BCL2L13: variants seen among roughly 807,000 people sequenced by gnomAD.
BCL2L13 encodes the protein BCL2 like 13, also known as bcl-2-like protein 13.
BCL2L13 carries 13 observed loss-of-function variants against 25.8 expected under a neutral mutation model. That is an observed-to-expected ratio of 0.50 (90% CI 0.33 to 0.80). BCL2L13 has a LOEUF of 0.80. Among genes scored for constraint, BCL2L13 ranks in the 30% least tolerant of loss-of-function variants. BCL2L13 has a pLI of 0.02. For synonymous variants in BCL2L13, 244 were observed against 230.3 expected, an observed-to-expected ratio of 1.06 and a Z score of -0.54; for missense variants, 504 against 574.9, an observed-to-expected ratio of 0.88 and a Z score of 1.26.
At chr22:17,673,565 G>C (rs954382314) in intron 2 of BCL2L13, among the ~76,000 whole-genome samples, 21 of 147,096 alleles carry the variant, frequency 1.4e-4, no homozygotes, top group African/African-American at 4.5e-4. Flanking sequence ...TTTTAGTAGA[G>C]ATGGGGTTTC....
chr22:17,653,696 G>T (rs990173777), intron 1 of BCL2L13, among the ~76,000 whole-genome samples: 1 of 151,680 alleles, frequency 6.6e-6, no homozygotes, highest in African/African-American at 2.4e-5. Flanking sequence ...TAGAGACAGG[G>T]TCTCACTGTG....
chr22:17,718,017 G>T (rs1220714552), intron 6 of BCL2L13, among the ~76,000 whole-genome samples: 1 of 152,126 alleles, frequency 6.6e-6, no homozygotes. Context: ...AGCCCTGGGG[G>T]CAGAGGTTGC....
chr22:17,672,941 G>A (rs778649097), intron 2 of BCL2L13, among the ~76,000 whole-genome samples: 3 of 152,138 alleles, frequency 2.0e-5, no homozygotes, highest in Non-Finnish European at 2.9e-5. Flanking sequence ...ATGACAGATG[G>A]CAGATAAAGC....
upstream of BCL2L13, among the ~76,000 whole-genome samples, chr22:17,633,647 A>T (rs2058063465): frequency 6.6e-6 from 1 of 152,192 alleles, no homozygotes; most frequent in South Asian, 2.1e-4. Flanking sequence ...GCTCAGGAGG[A>T]CAAAGCGCGA....
At chr22:17,634,535 T>C (rs2058075498), upstream of BCL2L13, among the ~76,000 whole-genome samples, 1 of 152,198 alleles carries the variant, frequency 6.6e-6, no homozygotes, top group East Asian at 1.9e-4. Context: ...AATGTTTTTC[T>C]TTTCTGGTTT....
Position 17,728,912 on chromosome 22 carries a change from G to C in BCL2L13, c.*1378G>C, listed in dbSNP as rs577512138. The C allele has an allele frequency of 2.6e-5, 4 of 151,984 alleles. No homozygotes were observed. The highest frequency in any genetic ancestry group is 2.6e-4 in the Admixed American group (4 of 15,256). 9.4% of individuals were successfully genotyped at this position (151,984 alleles called of 1,614,324 possible). On this transcript the variant is annotated 3_prime_UTR_variant, in exon 7 of 7. Coordinates refer to ENST00000317582, the MANE Select transcript of BCL2L13 (RefSeq NM_015367.4). ...TGATCCCAGCCCTAAAGGAAGGGTA[G>C]ACCCGTGTCTTTCCAGCCCTAAAGG...
rs2061378556 is a variant in BCL2L13, at chr22:17,730,247, ACT to A, written c.*2717_*2718del. 6.6e-6 allele frequency: 1 copy of A among 151,886 alleles called. No individual in the cohort carries two copies. The highest frequency in any genetic ancestry group is 2.1e-4 in the South Asian group (1 of 4,804). 9.4% of individuals were successfully genotyped at this position (151,886 alleles called of 1,614,324 possible). A position where few individuals can be genotyped will look rare whatever the true frequency, so the allele number is the denominator to read the frequency against. ...AGTACCTGCGGTGTGCCTTAAGGGG[ACT>A]CTCATGATCATCATTCCCTTCTAGA... On this transcript the variant is annotated 3_prime_UTR_variant, in exon 7 of 7. Coordinates refer to ENST00000317582, the MANE Select transcript of BCL2L13 (RefSeq NM_015367.4).
intron 6 of BCL2L13, among the ~76,000 whole-genome samples, chr22:17,722,249 G>A (rs936249764): frequency 2.0e-5 from 3 of 151,702 alleles, no homozygotes; most frequent in African/African-American, 7.3e-5. Flanking sequence ...TTGGAATTGA[G>A]ACAAGATCTT....
At chr22:17,636,322 CAAAAAAAAGAAAAA>C (rs2058105318), upstream of BCL2L13, among the ~76,000 whole-genome samples, 3 of 102,488 alleles carry the variant, frequency 2.9e-5, no homozygotes, top group Admixed American at 3.2e-4. Flanking sequence ...GACTCCGTCT[CAAAAAAAAGAAAAA>C]AAAAAAAAAA....
intron 1 of BCL2L13, among the ~76,000 whole-genome samples, chr22:17,630,173 T>A (rs2057976553): frequency 7.0e-6 from 1 of 143,556 alleles, no homozygotes. Context: ...GCCAAGATCG[T>A]GCCACTGCAC....
chr22:17,661,915 C>T (rs186525275), intron 2 of BCL2L13, among the ~76,000 whole-genome samples: 2 of 150,648 alleles, frequency 1.3e-5, no homozygotes, highest in Admixed American at 6.6e-5. Context: ...CTCTTGAACC[C>T]GGGAGGTGGA....
rs569628654 is a variant in BCL2L13 at position 17,649,094 on chromosome 22, C to T, written c.-50-6568C>T. 2.7e-3 allele frequency among the ~76,000 whole-genome samples: 408 copies of T among 151,704 alleles called. 1 individual carries two copies. The highest frequency in any genetic ancestry group is 9.2e-3 in the African/African-American group (379 of 41,342). On this transcript the variant is annotated intron_variant, in intron 1 of 6. Coordinates refer to ENST00000317582, the MANE Select transcript of BCL2L13 (RefSeq NM_015367.4). ...GGGATTATGGGCATGAACTTGTGCCCGGCTCAATTTTTTTTTTTTTTGGGA... is the reference window on the plus strand; with the variant it reads ...GGGATTATGGGCATGAACTTGTGCCTGGCTCAATTTTTTTTTTTTTTGGGA...
intron 1 of BCL2L13, among the ~76,000 whole-genome samples, chr22:17,630,373 G>A (rs370574630): frequency 1.6e-4 from 24 of 151,430 alleles, no homozygotes; most frequent in Middle Eastern, 3.4e-3. Flanking sequence ...TCTGCCTCCC[G>A]GGATCAAGTG....
chr22:17,657,823 C>CTTTTTTTTTT lies in BCL2L13; in HGVS notation c.121+2003_121+2012dup, dbSNP rs71201859. On this transcript the variant is annotated intron_variant, in intron 2 of 6. Coordinates refer to ENST00000317582, the MANE Select transcript of BCL2L13 (RefSeq NM_015367.4). ...GAGCCACCACACCTGGTTGACATTT[C>CTTTTTTTTTT]TTTTTTTTTTTTTTTTTTTTTGAGA... Among the ~76,000 whole-genome samples, 125 of 85,754 alleles carry CTTTTTTTTTT rather than the reference C, an allele frequency of 1.5e-3. 7 individuals carry two copies. Among genetic ancestry groups the CTTTTTTTTTT allele is most frequent in the East Asian group, 2.7e-3 (6 of 2,218 alleles). The allele number at this position is 85,754 out of a possible 152,430, so 56.3% of individuals were successfully genotyped here.
rs533736743 is a variant in BCL2L13 at position 17,666,656 on chromosome 22, T to C, written c.121+10824T>C. On this transcript the variant is annotated intron_variant, in intron 2 of 6. Transcript: ENST00000317582. Reference sequence around the variant, plus strand: ...ATGACTTCCAGTTCTATCCATGTTGTTGCAAATGACAGGACCTCATTCTTT... The same window carrying C: ...ATGACTTCCAGTTCTATCCATGTTGCTGCAAATGACAGGACCTCATTCTTT... 7.8e-4 allele frequency among the ~76,000 whole-genome samples: 118 copies of C among 151,860 alleles called. 4 individuals carry two copies. The South Asian group carries it at 0.024, about 31-fold the overall frequency.
chr22:17,657,823 C>CTTTTTTTTTTTTTTTTTTTTTTTTTTTT (rs71201859), intron 2 of BCL2L13, among the ~76,000 whole-genome samples: 1 of 85,772 alleles, frequency 1.2e-5, no homozygotes, highest in Non-Finnish European at 2.1e-5. Context: ...GTTGACATTT[C>CTTTTTTTTTTTTTTTTTTTTTTTTTTTT]TTTTTTTTTT....
intron 2 of BCL2L13, among the ~76,000 whole-genome samples, chr22:17,675,298 C>T (rs1170455385): frequency 6.6e-6 from 1 of 152,052 alleles, no homozygotes; most frequent in East Asian, 1.9e-4. Context: ...CTCCTGTAAT[C>T]CCAGCACTTT....
chr22:17,638,742 C>G (rs2085316319), upstream of BCL2L13: 12 of 1,231,590 alleles, frequency 9.7e-6, no homozygotes, highest in Non-Finnish European at 1.2e-5. Flanking sequence ...GACGAAGGCA[C>G]GCCGGGGTGA....
chr22:17,634,916 C>G (rs2058080264), upstream of BCL2L13, among the ~76,000 whole-genome samples: 4 of 150,274 alleles, frequency 2.7e-5, no homozygotes, highest in South Asian at 8.4e-4. Context: ...TCACTGTACT[C>G]TAGCCTGGGT....
Sources: allele counts gnomAD v4.1 joint callset (sites outside exome capture counted in the v4.1 genomes callset), GRCh38; gene constraint gnomAD v4.1.1; transcripts MANE v1.5; gene names NCBI Gene and HGNC (gene_info 2026-07-23, HGNC 2026-07-21).